Variants in STEAP4 observed in about 807,000 individuals in gnomAD.
STEAP4 encodes the protein metalloreductase STEAP4.
STEAP4 carries 36 observed loss-of-function variants against 43.6 expected under a neutral mutation model. The ratio of observed to expected loss-of-function variants is 0.83; its 90% CI spans 0.63 to 1.09. The LOEUF is 1.09. Among genes scored for constraint, STEAP4 ranks in the 50% least tolerant of loss-of-function variants. The probability of loss-of-function intolerance (pLI) is 0.00; values close to 1 mark genes in which losing one functional copy is unlikely to be tolerated. For missense variants in STEAP4, 495 were observed against 546.5 expected, an observed-to-expected ratio of 0.91 and a Z score of 0.94; for synonymous variants, 191 against 196.7, an observed-to-expected ratio of 0.97 and a Z score of 0.24.
Position 88,280,923 on chromosome 7 carries a change from AT to A in STEAP4, c.1140del (p.Phe381LeufsTer9), listed in dbSNP as rs1253265488. On this transcript the variant is annotated frameshift_variant, in exon 4 of 5. Coordinates refer to ENST00000380079, the MANE Select transcript of STEAP4 (RefSeq NM_024636.4). LOFTEE classifies it high-confidence loss of function. ...GAACTTGAAGTTCTTACCTGGACAA[AT>A]CGGAACTCTCTCCAGTTGACTGCAT... is the stretch of plus-strand genomic sequence containing the variant. ...VSNAVNWREF[R>X]FVQSKLGYLT... 4 of 1,604,088 alleles carry A rather than the reference AT, an allele frequency of 2.5e-6. No homozygotes were observed. The highest frequency in any genetic ancestry group is 1.3e-5 in the African/African-American group (1 of 74,194).
rs1248106920 is a variant in STEAP4 at position 88,278,365 on chromosome 7, T to G, written c.*1033A>C. 1.3e-5 allele frequency: 2 copies of G among 152,212 alleles called. No homozygotes were observed. The highest frequency in any genetic ancestry group is 2.9e-5 in the Non-Finnish European group (2 of 68,040). 9.4% of individuals were successfully genotyped at this position (152,212 alleles called of 1,614,324 possible). On this transcript the variant is annotated 3_prime_UTR_variant, in exon 5 of 5. Transcript: ENST00000380079. Reference sequence around the variant, plus strand: ...TCGATCATCTATGCATTGTTCAAATTTATACCTGCAGACTATTCATTTAAT... The same window carrying G: ...TCGATCATCTATGCATTGTTCAAATGTATACCTGCAGACTATTCATTTAAT...
At chr7:88,286,048 C>G (rs1216986884) in intron 1 of STEAP4, among the ~76,000 whole-genome samples, 1 of 152,076 alleles carries the variant, frequency 6.6e-6, no homozygotes, top group Non-Finnish European at 1.5e-5. Flanking sequence ...CCAAGGTTAT[C>G]AGAAACTTGC....
chr7:88,297,717 G>T (rs925800017), intron 1 of STEAP4, among the ~76,000 whole-genome samples: 3 of 152,020 alleles, frequency 2.0e-5, no homozygotes, highest in Admixed American at 6.6e-5. Context: ...TTCCAGGCAG[G>T]GGGGAAAGTG....
At chr7:88,282,107 T>A (rs961270597) in intron 3 of STEAP4, 12 of 152,760 alleles carry the variant, frequency 7.9e-5, no homozygotes, top group African/African-American at 2.9e-4. Context: ...AATACAGATC[T>A]GGACCCAAGC....
rs1024627582 is a variant in STEAP4, at chr7:88,277,963, T to A, written c.*1435A>T. On this transcript the variant is annotated 3_prime_UTR_variant, in exon 5 of 5. Coordinates refer to ENST00000380079, the MANE Select transcript of STEAP4 (RefSeq NM_024636.4). ...TTGAATATATAGATACAATTATTTT[T>A]AAAAAGTTTTATAGAAAAATATCCT... 2.0e-5 allele frequency: 3 copies of A among 152,064 alleles called. No individual in the cohort carries two copies. Among genetic ancestry groups the A allele is most frequent in the Non-Finnish European group, 4.4e-5 (3 of 68,012 alleles). The allele number at this position is 152,064 out of a possible 1,614,324, so 9.4% of individuals were successfully genotyped here. A position where few individuals can be genotyped will look rare whatever the true frequency, so the allele number is the denominator to read the frequency against.
intron 1 of STEAP4, chr7:88,291,051 A>T (rs1852825642): frequency 6.6e-6 from 1 of 152,150 alleles, no homozygotes; most frequent in African/African-American, 2.4e-5. Context: ...TTTTAAATAG[A>T]TTGGTAATCT....
intron 1 of STEAP4, among the ~76,000 whole-genome samples, chr7:88,294,182 TG>T (rs1325310430): frequency 2.6e-5 from 4 of 152,240 alleles, no homozygotes; most frequent in Admixed American, 2.6e-4. Context: ...CTTTCAGACA[TG>T]ATACCACCAT....
rs1852495167 is a variant in STEAP4 at position 88,275,177 on chromosome 7, T to C, written c.*4221A>G. ...CGCGATCTTGGCTCATTGTAACCTC[T>C]GCTTCCTGGGTCCAAGCACTTCTCC... is the stretch of plus-strand genomic sequence containing the variant. On this transcript the variant is annotated 3_prime_UTR_variant, in exon 5 of 5. Transcript: ENST00000380079. 1 of 152,406 alleles carries C rather than the reference T, an allele frequency of 6.6e-6. No homozygotes were observed. Among genetic ancestry groups the C allele is most frequent in the South Asian group, 2.1e-4 (1 of 4,824 alleles). The allele number at this position is 152,406 out of a possible 1,614,324, so 9.4% of individuals were successfully genotyped here.
rs567663816 is a variant in STEAP4 at position 88,295,990 on chromosome 7, T to C, written c.-3+10802A>G. 1.7e-4 allele frequency among the ~76,000 whole-genome samples: 26 copies of C among 152,206 alleles called. No individual in the cohort carries two copies. In the South Asian group the frequency reaches 5.4e-3, roughly 32 times the overall value. On this transcript the variant is annotated intron_variant, in intron 1 of 4. Coordinates refer to ENST00000380079, the MANE Select transcript of STEAP4 (RefSeq NM_024636.4). ...GAACCGGAGGCAAAATGAGTATGTTTTGAGTGTGCAGGCCTTGGAAAAGAG... is the reference window on the plus strand; with the variant it reads ...GAACCGGAGGCAAAATGAGTATGTTCTGAGTGTGCAGGCCTTGGAAAAGAG...
At chr7:88,300,923 G>A (rs1024166978) in intron 1 of STEAP4, among the ~76,000 whole-genome samples, 1 of 152,064 alleles carries the variant, frequency 6.6e-6, no homozygotes, top group East Asian at 1.9e-4. Flanking sequence ...CCCCAACAAA[G>A]GTTCCAGACC....
At chr7:88,303,395 C>T (rs1195339206) in intron 1 of STEAP4, among the ~76,000 whole-genome samples, 2 of 151,026 alleles carry the variant, frequency 1.3e-5, no homozygotes, top group Non-Finnish European at 2.9e-5. Flanking sequence ...ACTCAGGAGG[C>T]TGAGGCAGGA....
intron 1 of STEAP4, chr7:88,292,451 AAATC>A (rs1325344086): frequency 2.0e-5 from 3 of 152,196 alleles, no homozygotes; most frequent in African/African-American, 7.2e-5. Context: ...TTAAAAAAAT[AAATC>A]AATCAAACTT....
rs1205022561 is a variant in STEAP4 at position 88,279,340 on chromosome 7, A to G, written c.*58T>C. On this transcript the variant is annotated 3_prime_UTR_variant, in exon 5 of 5. Coordinates refer to ENST00000380079, the MANE Select transcript of STEAP4 (RefSeq NM_024636.4). ...CTTTAAACATTCAAAACCATAGTTC[A>G]GAAATCCAGCTAAATTGAACTTTGT... 6.5e-7 allele frequency: 1 copy of G among 1,536,716 alleles called. No individual in the cohort carries two copies. Among genetic ancestry groups the G allele is most frequent in the East Asian group, 2.2e-5 (1 of 44,488 alleles).
chr7:88,290,083 G>C (rs1045180574), intron 1 of STEAP4, among the ~76,000 whole-genome samples: 1 of 152,162 alleles, frequency 6.6e-6, no homozygotes, highest in African/African-American at 2.4e-5. Flanking sequence ...GCAAAATGTA[G>C]ATTTGATGCA....
Position 88,279,385 on chromosome 7 carries a change from T to G in STEAP4, c.*13A>C, listed in dbSNP as rs1852570158. On this transcript the variant is annotated 3_prime_UTR_variant, in exon 5 of 5. Coordinates refer to ENST00000380079, the MANE Select transcript of STEAP4 (RefSeq NM_024636.4). ...CTTTGTTTTAAATATTGATTTTCCA[T>G]TCAATGCTTTTTCTAGTGTTTTGAG... 1 of 1,605,820 alleles carries G rather than the reference T, an allele frequency of 6.2e-7. No homozygotes were observed. The highest frequency in any genetic ancestry group is 8.5e-7 in the Non-Finnish European group (1 of 1,173,158).
chr7:88,276,393 G>C lies in STEAP4; in HGVS notation c.*3005C>G, dbSNP rs1852513554. The C allele has an allele frequency of 6.6e-6, 1 of 152,174 alleles. No individual in the cohort carries two copies. Among genetic ancestry groups the C allele is most frequent in the Non-Finnish European group, 1.5e-5 (1 of 68,040 alleles). 9.4% of individuals were successfully genotyped at this position (152,174 alleles called of 1,614,324 possible). A position where few individuals can be genotyped will look rare whatever the true frequency, so the allele number is the denominator to read the frequency against. ...TTTTAGTAACTTTATTTGGAATGCT[G>C]ATGAGTTAAAACCAGAATTAAACAA... On this transcript the variant is annotated 3_prime_UTR_variant, in exon 5 of 5. Transcript: ENST00000380079.
intron 1 of STEAP4, among the ~76,000 whole-genome samples, chr7:88,296,566 GC>G (rs1411583158): frequency 2.0e-5 from 3 of 151,970 alleles, no homozygotes; most frequent in African/African-American, 7.3e-5. Flanking sequence ...TTTGTAATGA[GC>G]CGAAATCCAT....
chr7:88,288,352 T>A (rs1274192810), intron 1 of STEAP4, among the ~76,000 whole-genome samples: 2 of 152,112 alleles, frequency 1.3e-5, no homozygotes, highest in Non-Finnish European at 2.9e-5. Context: ...GTATTTTTAG[T>A]AGAGACAGGG....
intron 1 of STEAP4, chr7:88,290,296 G>A (rs1852814535): frequency 6.6e-6 from 1 of 152,134 alleles, no homozygotes; most frequent in Non-Finnish European, 1.5e-5. Context: ...TACCAGCAAT[G>A]TCACCTTGAG....
Sources: gnomAD v4.1 joint callset for allele counts (sites outside exome capture counted in the v4.1 genomes callset) on GRCh38, gnomAD v4.1.1 for gene constraint, MANE v1.5 for transcripts, NCBI Gene and HGNC (gene_info 2026-07-23, HGNC 2026-07-21) for gene names.